Variants in PALLD observed in about 807,000 individuals in gnomAD.
PALLD encodes palladin.
PALLD carries 61 observed loss-of-function variants against 123.5 expected under a neutral mutation model. That is an observed-to-expected ratio of 0.49 (90% CI 0.40 to 0.61). The LOEUF (loss-of-function observed/expected upper bound fraction) is 0.61, where lower values mean the gene tolerates loss of function less well. Among genes scored for constraint, PALLD ranks in the 20% least tolerant of loss-of-function variants. The pLI is 0.00. For missense variants in PALLD, 1,273 were observed against 1,377.0 expected (o/e 0.92, Z 1.20); for synonymous variants, 465 against 496.4 (o/e 0.94, Z 0.84).
At chr4:168,889,397 C>T (rs1053375020) in intron 10 of PALLD, among the ~76,000 whole-genome samples, 13 of 152,148 alleles carry the variant, frequency 8.5e-5, no homozygotes, top group Admixed American at 2.6e-4. Context: ...CTCCTGACCT[C>T]AGGGGATTCA....
intron 8 of PALLD, among the ~76,000 whole-genome samples, chr4:168,708,783 T>C (rs1784453011): frequency 6.6e-6 from 1 of 152,176 alleles, no homozygotes; most frequent in African/African-American, 2.4e-5. Context: ...CCCCATTTTA[T>C]AGATGAGGAC....
intron 2 of PALLD, among the ~76,000 whole-genome samples, chr4:168,576,480 G>T (rs1354928366): frequency 6.6e-6 from 1 of 151,946 alleles, no homozygotes; most frequent in Non-Finnish European, 1.5e-5. Context: ...GTGAGAACAT[G>T]CGGTGTTGTG....
intron 2 of PALLD, among the ~76,000 whole-genome samples, chr4:168,641,836 A>G (rs1776978091): frequency 6.6e-6 from 1 of 152,210 alleles, no homozygotes; most frequent in Non-Finnish European, 1.5e-5. Flanking sequence ...CTTCACAGCC[A>G]GTTTCCCCAG....
intron 2 of PALLD, among the ~76,000 whole-genome samples, chr4:168,585,873 A>G (rs1405042891): frequency 1.3e-5 from 2 of 152,192 alleles, no homozygotes; most frequent in African/African-American, 4.8e-5. Context: ...ACACAATGAC[A>G]TATTAAAGTA....
intron 10 of PALLD, among the ~76,000 whole-genome samples, chr4:168,880,373 G>A (rs1752446569): frequency 6.6e-6 from 1 of 152,198 alleles, no homozygotes; most frequent in Non-Finnish European, 1.5e-5. Context: ...ATAGTGAAGT[G>A]CTGTGACATC....
At chr4:168,922,098 T>TACACACACAC (rs1351389289) in intron 18 of PALLD, among the ~76,000 whole-genome samples, 12 of 107,618 alleles carry the variant, frequency 1.1e-4, no homozygotes, top group African/African-American at 3.4e-4. Flanking sequence ...TATATATATA[T>TACACACACAC]ATATACACAC....
chr4:168,761,807 G>A (rs930133572), intron 10 of PALLD, among the ~76,000 whole-genome samples: 3 of 151,654 alleles, frequency 2.0e-5, no homozygotes, highest in Admixed American at 1.3e-4. Flanking sequence ...CACCGTGCCC[G>A]GCAGGAAATA....
At position 168,512,031 on chromosome 4, in the gene PALLD, T is replaced by C. The variant is rs1230334544; in HGVS notation, c.527T>C (p.Ile176Thr). 3.1e-6 allele frequency: 5 copies of C among 1,614,046 alleles called. No individual in the cohort carries two copies. Among genetic ancestry groups the C allele is most frequent in the African/African-American group, 1.3e-5 (1 of 74,902 alleles). Residue 176 changes from isoleucine to threonine, a missense_variant, in exon 2 of 22, where the codon ATT (isoleucine) becomes ACT (threonine). Around this residue, in one of 2 missense-constraint regions of PALLD, gnomAD observed 944 missense variants for 954.5 expected, o/e 0.99. Coordinates refer to ENST00000505667, the MANE Select transcript of PALLD (RefSeq NM_001166108.2). ...SQLCDKAANL[I>T]EELTSIFKAA... The stretch of plus-strand genomic sequence containing the variant: ...CTGTGTGACAAGGCAGCTAATTTAA[T>C]TGAGGAGCTAACATCCATATTTAAA...
At chr4:168,741,478 G>C (rs895710713) in intron 10 of PALLD, among the ~76,000 whole-genome samples, 7 of 151,892 alleles carry the variant, frequency 4.6e-5, no homozygotes, top group African/African-American at 1.7e-4. Context: ...AGGAGTTTGA[G>C]ACCAGCCTGA....
intron 2 of PALLD, among the ~76,000 whole-genome samples, chr4:168,563,135 A>G (rs1256832775): frequency 1.3e-5 from 2 of 152,118 alleles, no homozygotes; most frequent in African/African-American, 4.8e-5. Flanking sequence ...AAATGGGAAC[A>G]ACTGGTGGGT....
intron 2 of PALLD, among the ~76,000 whole-genome samples, chr4:168,578,079 A>C (rs1418465364): frequency 6.6e-6 from 1 of 152,112 alleles, no homozygotes; most frequent in African/African-American, 2.4e-5. Flanking sequence ...AGTAGCCTAG[A>C]ATATTCACAA....
At chr4:168,808,983 TC>T (rs938603003) in intron 10 of PALLD, among the ~76,000 whole-genome samples, 7 of 152,200 alleles carry the variant, frequency 4.6e-5, no homozygotes, top group Non-Finnish European at 8.8e-5. Flanking sequence ...TGGACTACCA[TC>T]TTTTGAACCA....
intron 2 of PALLD, among the ~76,000 whole-genome samples, chr4:168,614,179 T>A (rs540492275): frequency 8.5e-5 from 13 of 152,336 alleles, no homozygotes; most frequent in African/African-American, 2.9e-4. Context: ...TTTTTCTCTA[T>A]CATATTGAGC....
chr4:168,668,141 C>G (rs1186553261), intron 2 of PALLD, 49 bp from the exon 3 acceptor site: 1 of 1,432,758 alleles, frequency 7.0e-7, no homozygotes. Flanking sequence ...TTAAACATCA[C>G]CATTTCCTTT....
At chr4:168,826,958 T>C (rs937642391) in intron 10 of PALLD, among the ~76,000 whole-genome samples, 2 of 152,206 alleles carry the variant, frequency 1.3e-5, no homozygotes, top group African/African-American at 4.8e-5. Context: ...TTTTGAGTCC[T>C]CTGGAATTGT....
chr4:168,863,463 C>T (rs1366459091), intron 10 of PALLD, among the ~76,000 whole-genome samples: 2 of 152,198 alleles, frequency 1.3e-5, no homozygotes, highest in Non-Finnish European at 2.9e-5. Flanking sequence ...ATCCATCCCC[C>T]ACCCATATTC....
chr4:168,853,604 C>G (rs555269874), intron 10 of PALLD, among the ~76,000 whole-genome samples: 1 of 151,994 alleles, frequency 6.6e-6, no homozygotes, highest in East Asian at 1.9e-4. Flanking sequence ...AAATGGGAGA[C>G]AGAGACAGGT....
chr4:168,790,459 A>T (rs150251129), intron 10 of PALLD, among the ~76,000 whole-genome samples: 273 of 149,688 alleles, frequency 1.8e-3, no homozygotes, highest in African/African-American at 6.4e-3. Context: ...CATGCCTGGC[A>T]TCTTTTTTTT....
intron 2 of PALLD, among the ~76,000 whole-genome samples, chr4:168,577,326 G>C (rs374587251): frequency 6.6e-6 from 1 of 152,076 alleles, no homozygotes; most frequent in African/African-American, 2.4e-5. Flanking sequence ...CTTTTCTACC[G>C]ACTAAGTTAG....
Sources: allele counts gnomAD v4.1 joint callset (sites outside exome capture counted in the v4.1 genomes callset), GRCh38; gene constraint gnomAD v4.1.1; regional missense constraint gnomAD v4.1.1; transcripts MANE v1.5; gene names NCBI Gene and HGNC (gene_info 2026-07-23, HGNC 2026-07-21).